GPRIN3: variants seen among roughly 807,000 people sequenced by gnomAD.
The protein encoded by GPRIN3 is G protein-regulated inducer of neurite outgrowth 3.
GPRIN3 carries 12 observed loss-of-function variants against 13.7 expected under a neutral mutation model. The observed-to-expected ratio is 0.87, with a 90% confidence interval of 0.56 to 1.42. The LOEUF is 1.42. Among genes scored for constraint, GPRIN3 ranks in the 40% most tolerant of loss-of-function variants. The probability of loss-of-function intolerance (pLI) is 0.00; values close to 1 mark genes in which losing one functional copy is unlikely to be tolerated. For missense variants in GPRIN3, 1,009 were observed against 958.7 expected (o/e 1.05, Z -0.69); for synonymous variants, 377 against 372.7 (o/e 1.01, Z -0.13).
chr4:89,253,878 C>T (rs1578076870), intron 1 of GPRIN3, among the ~76,000 whole-genome samples: 1 of 152,090 alleles, frequency 6.6e-6, no homozygotes, highest in South Asian at 2.1e-4. Flanking sequence ...AGAAGAGACT[C>T]GCCGAAGTTC....
rs984513814 is a variant in GPRIN3 at position 89,237,772 on chromosome 4, A to C, written c.*10008T>G. 2 of 152,222 alleles carry C rather than the reference A, an allele frequency of 1.3e-5. No homozygotes were observed. Among genetic ancestry groups the C allele is most frequent in the African/African-American group, 4.8e-5 (2 of 41,458 alleles). 9.4% of individuals were successfully genotyped at this position (152,222 alleles called of 1,614,324 possible). A position where few individuals can be genotyped will look rare whatever the true frequency, so the allele number is the denominator to read the frequency against. ...AAAGGCAAACCCTTCACAAGAAACAAGAGGTATTTTGAGTTCACAATCAGT... is the reference window on the plus strand; with the variant it reads ...AAAGGCAAACCCTTCACAAGAAACACGAGGTATTTTGAGTTCACAATCAGT... On this transcript the variant is annotated 3_prime_UTR_variant, in exon 2 of 2. Transcript: ENST00000609438.
chr4:89,260,782 T>A (rs549218784), intron 1 of GPRIN3, among the ~76,000 whole-genome samples: 168 of 152,150 alleles, frequency 1.1e-3, no homozygotes, highest in African/African-American at 3.6e-3. Context: ...GAAAGGTGAA[T>A]CAAGTAAAGA....
chr4:89,253,031 AAC>A (rs1553949714), intron 1 of GPRIN3, among the ~76,000 whole-genome samples: 2 of 150,868 alleles, frequency 1.3e-5, no homozygotes, highest in Admixed American at 6.6e-5. Context: ...AAAAAAAAAA[AAC>A]AACTCCTACA....
At position 89,247,743 on chromosome 4, in the gene GPRIN3, C is replaced by T. The variant is rs372742196; in HGVS notation, c.*37G>A. ...GACATAGAGGGACGCATGTGAATAC[C>T]GTAAATTTATACACAAACTCCCATA... On this transcript the variant is annotated 3_prime_UTR_variant, in exon 2 of 2. Transcript: ENST00000609438. The T allele has an allele frequency of 2.2e-5, 34 of 1,556,534 alleles. No homozygotes were observed. Among genetic ancestry groups the T allele is most frequent in the Middle Eastern group, 1.7e-4 (1 of 5,788 alleles).
At chr4:89,276,483 T>C (rs1724097335) in intron 1 of GPRIN3, among the ~76,000 whole-genome samples, 2 of 152,176 alleles carry the variant, frequency 1.3e-5, no homozygotes, top group South Asian at 2.1e-4. Context: ...GAGAGACTAG[T>C]TGAAAAAGAC....
In GPRIN3 at chr4:89,240,813, T is replaced by C. The variant is rs1722902716; in HGVS notation, c.*6967A>G. 6.6e-6 allele frequency: 1 copy of C among 152,226 alleles called. No individual in the cohort carries two copies. Among genetic ancestry groups the C allele is most frequent in the South Asian group, 2.1e-4 (1 of 4,834 alleles). 9.4% of individuals were successfully genotyped at this position (152,226 alleles called of 1,614,324 possible). On this transcript the variant is annotated 3_prime_UTR_variant, in exon 2 of 2. Coordinates refer to ENST00000609438, the MANE Select transcript of GPRIN3 (RefSeq NM_198281.3). ...TTTTAATTTGTGATTTATCTGAATA[T>C]ACTAGTATAAATAAAATGTATTATG...
intron 1 of GPRIN3, among the ~76,000 whole-genome samples, chr4:89,301,180 T>C (rs1019714608): frequency 6.6e-6 from 1 of 152,198 alleles, no homozygotes. Context: ...CAAAGCGATG[T>C]AATGGCAAAG....
At chr4:89,272,306 A>G (rs1723980432) in intron 1 of GPRIN3, among the ~76,000 whole-genome samples, 1 of 152,192 alleles carries the variant, frequency 6.6e-6, no homozygotes, top group African/African-American at 2.4e-5. Flanking sequence ...AGTGGAAGGC[A>G]ACAGACTCAT....
rs1722837432 is a variant in GPRIN3 at position 89,238,285 on chromosome 4, T to C, written c.*9495A>G. Reference sequence around the variant, plus strand: ...CAGATCCTTGATGAATTGAAGATATTCAAGGAGGTAAAAAGGGATCAAACT... The same window carrying C: ...CAGATCCTTGATGAATTGAAGATATCCAAGGAGGTAAAAAGGGATCAAACT... On this transcript the variant is annotated 3_prime_UTR_variant, in exon 2 of 2. Coordinates refer to ENST00000609438, the MANE Select transcript of GPRIN3 (RefSeq NM_198281.3). 6.6e-6 allele frequency: 1 copy of C among 152,144 alleles called. No homozygotes were observed. The highest frequency in any genetic ancestry group is 2.4e-5 in the African/African-American group (1 of 41,416). 9.4% of individuals were successfully genotyped at this position (152,144 alleles called of 1,614,324 possible).
In GPRIN3 at chr4:89,249,878, A is replaced by G. The variant is rs755141660; in HGVS notation, c.233T>C (p.Met78Thr). ...TTCATTGAACACACCAGGAGAAGAC[A>G]TATCTGGTTGGGTGGTCTCATGCTC... ...VCEHETTQPD[M>T]SSPGVFNEVQ... The change falls in exon 2 of 2, where the codon ATG (methionine) becomes ACG (threonine). Residue 78 changes from methionine to threonine, a missense_variant. Transcript: ENST00000609438. 5 of 1,614,060 alleles carry G rather than the reference A, an allele frequency of 3.1e-6. No individual in the cohort carries two copies. The highest frequency in any genetic ancestry group is 2.2e-5 in the East Asian group (1 of 44,902).
chr4:89,285,210 G>A (rs965109096), intron 1 of GPRIN3, among the ~76,000 whole-genome samples: 1 of 145,778 alleles, frequency 6.9e-6, no homozygotes, highest in African/African-American at 2.5e-5. Context: ...CGGTTGGGGG[G>A]TCAGGGGGCG....
intron 1 of GPRIN3, among the ~76,000 whole-genome samples, chr4:89,283,900 C>CG (rs926845361): frequency 7.2e-5 from 11 of 152,102 alleles, no homozygotes; most frequent in South Asian, 2.1e-4. Context: ...AGTAAAACTG[C>CG]GGGGGGCTTT....
At chr4:89,253,030 A>AC (rs1030325127) in intron 1 of GPRIN3, among the ~76,000 whole-genome samples, 8 of 151,834 alleles carry the variant, frequency 5.3e-5, no homozygotes, top group South Asian at 4.2e-4. Flanking sequence ...AAAAAAAAAA[A>AC]AACAACTCCT....
chr4:89,258,453 G>T (rs114152458), intron 1 of GPRIN3, among the ~76,000 whole-genome samples: 1,822 of 152,176 alleles, frequency 0.012, 46 homozygotes, highest in African/African-American at 0.042. Flanking sequence ...CTGACCTCGT[G>T]ATCCACTCCC....
intron 1 of GPRIN3, among the ~76,000 whole-genome samples, chr4:89,285,368 C>T (rs889803865): frequency 6.6e-6 from 1 of 151,804 alleles, no homozygotes; most frequent in Non-Finnish European, 1.5e-5. Flanking sequence ...AAAGAAAAAT[C>T]CCTAAACATA....
chr4:89,250,229 C>T lies in GPRIN3; in HGVS notation c.-119G>A. Reference sequence around the variant, plus strand: ...AGTCAGGGATGATTCCTCTGAAGAACCAGCCTGTGAATCAAGGAAACAGCA... The same window carrying T: ...AGTCAGGGATGATTCCTCTGAAGAATCAGCCTGTGAATCAAGGAAACAGCA... On this transcript the variant is annotated 5_prime_UTR_variant, in exon 2 of 2. Coordinates refer to ENST00000609438, the MANE Select transcript of GPRIN3 (RefSeq NM_198281.3). The T allele has an allele frequency of 6.7e-7, 1 of 1,499,900 alleles. No homozygotes were observed. Among genetic ancestry groups the T allele is most frequent in the Non-Finnish European group, 8.9e-7 (1 of 1,125,100 alleles). The allele number at this position is 1,499,900 out of a possible 1,614,324, so 92.9% of individuals were successfully genotyped here.
In GPRIN3 at chr4:89,248,787, C is replaced by T; in HGVS notation, c.1324G>A (p.Gly442Arg). 1 of 1,614,170 alleles carries T rather than the reference C, an allele frequency of 6.2e-7. No individual in the cohort carries two copies. The highest frequency in any genetic ancestry group is 1.1e-5 in the South Asian group (1 of 91,084). The change falls in exon 2 of 2, where the codon GGA becomes AGA. Residue 442 changes from glycine to arginine, a missense_variant. Physicochemically the swap from Gly to Arg is moderately radical, Grantham distance 125. Coordinates refer to ENST00000609438, the MANE Select transcript of GPRIN3 (RefSeq NM_198281.3). ...GACTCTTCCCTCACTGGAGTCATTC[C>T]TGCTAACCTCCCATCTTCTTTACAC... ...HTCKEDGRLAGMTPVREESTA... is the reference protein window; with the variant it reads ...HTCKEDGRLARMTPVREESTA...
chr4:89,278,424 T>A (rs1724154466), intron 1 of GPRIN3, among the ~76,000 whole-genome samples: 1 of 152,204 alleles, frequency 6.6e-6, no homozygotes. Context: ...CTCCTTCTTT[T>A]TCCAAATTGT....
At position 89,249,305 on chromosome 4, in the gene GPRIN3, G is replaced by C. The variant is rs767651932; in HGVS notation, c.806C>G (p.Pro269Arg). 6.2e-7 allele frequency: 1 copy of C among 1,614,110 alleles called. No individual in the cohort carries two copies. The highest frequency in any genetic ancestry group is 8.5e-7 in the Non-Finnish European group (1 of 1,180,022). ...ACATGCCGAAGGTTCGCTAGTGAGGGGGGTTGGTTGAGGTGTCACAGAAGT... is the reference window on the plus strand; with the variant it reads ...ACATGCCGAAGGTTCGCTAGTGAGGCGGGTTGGTTGAGGTGTCACAGAAGT... ...GTTSVTPQPT[P>R]LTSEPSACPP... Residue 269 changes from proline (P) to arginine (R), a missense_variant, in exon 2 of 2, where the codon CCC (proline) becomes CGC (arginine). Physicochemically the swap from Pro to Arg is moderately radical, Grantham distance 103. Coordinates refer to ENST00000609438, the MANE Select transcript of GPRIN3 (RefSeq NM_198281.3).
Sources: gnomAD v4.1 joint callset for allele counts (sites outside exome capture counted in the v4.1 genomes callset) on GRCh38, gnomAD v4.1.1 for gene constraint, MANE v1.5 for transcripts, NCBI Gene and HGNC (gene_info 2026-07-23, HGNC 2026-07-21) for gene names.